AGL: variants seen among roughly 807,000 people sequenced by gnomAD.
AGL encodes the protein amylo-alpha-1,6-glucosidase and 4-alpha-glucanotransferase.
A neutral mutation model predicts 199.3 loss-of-function variants in AGL; 128 were observed. The observed-to-expected ratio is 0.64, with a 90% CI of 0.56 to 0.74. The LOEUF (loss-of-function observed/expected upper bound fraction) is 0.74. Ranked by LOEUF, AGL falls within the 30% of genes least tolerant of loss-of-function variation. The pLI, the probability that AGL is intolerant of heterozygous loss-of-function variation, is 0.00. For missense variants in AGL, 1,809 were observed against 1,820.8 expected, an observed-to-expected ratio of 0.99 and a Z score of 0.12; for synonymous variants, 584 against 594.7, an observed-to-expected ratio of 0.98 and a Z score of 0.26.
At chr1:99,916,331 T>C in intron 31 of AGL, 79 bp from the exon 32 acceptor site, 1 of 1,105,600 alleles carries the variant, frequency 9.0e-7, no homozygotes. Flanking sequence ...CTCTTACCTT[T>C]GTTATTGAAA....
chr1:99,876,664 T>TAAA, intron 11 of AGL, 67 bp downstream of exon 11: 1 of 1,559,072 alleles, frequency 6.4e-7, no homozygotes, highest in Non-Finnish European at 8.8e-7. Flanking sequence ...AAATAAAATC[T>TAAA]GCTTTACTGA....
intron 29 of AGL, among the ~76,000 whole-genome samples, chr1:99,912,970 C>T (rs1437809349): frequency 2.6e-5 from 4 of 152,176 alleles, no homozygotes; most frequent in Non-Finnish European, 5.9e-5. Flanking sequence ...TGCCTGTAAT[C>T]TCCACACTTT....
chr1:99,870,558 A>G lies in AGL; in HGVS notation c.823A>G (p.Ile275Val). ...KYKEKGIPAL[I>V]ENDHHMNSIR... ...CAAAGAAAAGGGAATACCTGCTTTG[A>G]TTGAAAATGATCACCATATGAATGT... is the stretch of plus-strand genomic sequence containing the variant. The change falls in exon 6 of 34, where the codon ATT becomes GTT. Residue 275 changes from isoleucine to valine, a missense_variant. Ile to Val is a conservative substitution (Grantham distance 29, BLOSUM62 3). Transcript: ENST00000361915. 1.2e-6 allele frequency: 2 copies of G among 1,614,066 alleles called. No homozygotes were observed. The highest frequency in any genetic ancestry group is 1.7e-6 in the Non-Finnish European group (2 of 1,179,970).
At chr1:99,870,088 A>G (rs926740540) in intron 5 of AGL, among the ~76,000 whole-genome samples, 1 of 152,198 alleles carries the variant, frequency 6.6e-6, no homozygotes, top group Non-Finnish European at 1.5e-5. Flanking sequence ...CCAACTTATC[A>G]AAACAACGTA....
chr1:99,877,606 C>T, intron 11 of AGL, 35 bp from the exon 12 acceptor site: 1 of 1,596,166 alleles, frequency 6.3e-7, no homozygotes, highest in Non-Finnish European at 8.6e-7. Flanking sequence ...CATTTTATTT[C>T]TTGAACCATT....
intron 24 of AGL, among the ~76,000 whole-genome samples, chr1:99,895,587 G>C (rs553709367): frequency 6.6e-6 from 1 of 152,218 alleles, no homozygotes; most frequent in East Asian, 1.9e-4. Context: ...TTGTCCTTAA[G>C]TTCAAGGTAG....
intron 27 of AGL, among the ~76,000 whole-genome samples, chr1:99,904,715 A>G (rs998052354): frequency 2.6e-5 from 4 of 152,212 alleles, no homozygotes; most frequent in Admixed American, 6.5e-5. Context: ...ACCATGTTCT[A>G]TATAACCTTC....
rs767206115 is a variant in AGL at position 99,888,115 on chromosome 1, A to G, written c.2812+7A>G. The stretch of plus-strand genomic sequence containing the variant: ...AAATATGCAGGTCTTCAAGGTAAGC[A>G]AATGGAAGGATAGCTGAGCTTTGTG... On this transcript the variant is annotated splice_region_variant and intron_variant, in intron 21 of 33. Coordinates refer to ENST00000361915, the MANE Select transcript of AGL (RefSeq NM_000642.3). 24 of 1,612,658 alleles carry G rather than the reference A, an allele frequency of 1.5e-5. No individual in the cohort carries two copies. Among genetic ancestry groups the G allele is most frequent in the Middle Eastern group, 1.6e-4 (1 of 6,076 alleles).
intron 17 of AGL, among the ~76,000 whole-genome samples, chr1:99,883,415 A>G (rs1439542589): frequency 1.3e-5 from 2 of 152,140 alleles, no homozygotes; most frequent in African/African-American, 4.8e-5. Flanking sequence ...ATTATTTATA[A>G]TAGAGAAAAA....
chr1:99,869,166 A>G (rs953476438), intron 5 of AGL, among the ~76,000 whole-genome samples: 1 of 152,112 alleles, frequency 6.6e-6, no homozygotes, highest in African/African-American at 2.4e-5. Flanking sequence ...ATTTGGACAT[A>G]AGTTATTACT....
At chr1:99,912,696 C>T (rs530197461) in intron 29 of AGL, among the ~76,000 whole-genome samples, 179 bp downstream of exon 29, 6 of 152,244 alleles carry the variant, frequency 3.9e-5, no homozygotes, top group African/African-American at 1.2e-4. Context: ...CCATATTTGT[C>T]GCAACTTTGA....
intron 2 of AGL, among the ~76,000 whole-genome samples, chr1:99,860,361 C>T (rs1418244614): frequency 6.6e-6 from 1 of 151,866 alleles, no homozygotes; most frequent in Non-Finnish European, 1.5e-5. Context: ...CTAAACTTTC[C>T]TGCCTCATCA....
chr1:99,857,855 A>AGGCCGTGGG (rs1649692892), intron 2 of AGL, among the ~76,000 whole-genome samples: 1 of 20,024 alleles, frequency 5.0e-5, no homozygotes, highest in Non-Finnish European at 9.5e-5. Flanking sequence ...GGAGGGGGGA[A>AGGCCGTGGG]GAGGGAGAGG....
At chr1:99,906,333 T>C (rs1654289203) in intron 27 of AGL, among the ~76,000 whole-genome samples, 2 of 152,214 alleles carry the variant, frequency 1.3e-5, no homozygotes, top group African/African-American at 4.8e-5. Flanking sequence ...AGTTCAGCCA[T>C]GTTGTAGCAG....
At chr1:99,861,389 T>C in intron 2 of AGL, 114 bp from the exon 3 acceptor site, 11 of 1,552,540 alleles carry the variant, frequency 7.1e-6, no homozygotes, top group Non-Finnish European at 8.7e-6. Context: ...TGCGGAGTTA[T>C]TTTAAACATA....
At chr1:99,867,571 T>C (rs1230110212) in intron 5 of AGL, among the ~76,000 whole-genome samples, 2 of 152,060 alleles carry the variant, frequency 1.3e-5, no homozygotes, top group African/African-American at 4.8e-5. Flanking sequence ...TCTTTTTTTT[T>C]TTGAGACGGA....
chr1:99,904,379 G>T lies in AGL; in HGVS notation c.3700+1585G>T, dbSNP rs527264712. 7.9e-5 allele frequency among the ~76,000 whole-genome samples: 12 copies of T among 152,234 alleles called. No homozygotes were observed. In the East Asian group the frequency reaches 1.7e-3, roughly 22 times the overall value. ...TAGACTCACAAGAAGTTGAAAAAATGATACATAGTATGCCATGAACTCTTC... is the reference window on the plus strand; with the variant it reads ...TAGACTCACAAGAAGTTGAAAAAATTATACATAGTATGCCATGAACTCTTC... On this transcript the variant is annotated intron_variant, in intron 27 of 33. Transcript: ENST00000361915.
At chr1:99,912,923 A>G (rs1654851033) in intron 29 of AGL, among the ~76,000 whole-genome samples, 1 of 152,234 alleles carries the variant, frequency 6.6e-6, no homozygotes, top group African/African-American at 2.4e-5. Flanking sequence ...AATTGATTAC[A>G]AGATATTTTA....
At chr1:99,898,196 G>T (rs556356338) in intron 25 of AGL, among the ~76,000 whole-genome samples, 1 of 151,916 alleles carries the variant, frequency 6.6e-6, no homozygotes, top group Non-Finnish European at 1.5e-5. Context: ...ACAGGCGCCC[G>T]CCACCACACC....
Sources: gnomAD v4.1 joint callset for allele counts (sites outside exome capture counted in the v4.1 genomes callset) on GRCh38, gnomAD v4.1.1 for gene constraint, MANE v1.5 for transcripts, NCBI Gene and HGNC (gene_info 2026-07-23, HGNC 2026-07-21) for gene names.